Variants in CCSER1 observed in about 807,000 individuals in gnomAD.
The protein encoded by CCSER1 is coiled-coil serine rich protein 1.
Under a neutral mutation model 82.0 loss-of-function variants are expected in CCSER1, and 41 were observed. The observed-to-expected ratio is 0.50, with a 90% CI of 0.39 to 0.65. The LOEUF is 0.65. CCSER1 is among the 30% of genes least tolerant of loss of function. The probability of loss-of-function intolerance (pLI) is 0.00; values close to 1 mark genes in which losing one functional copy is unlikely to be tolerated. For synonymous variants in CCSER1, 414 were observed against 383.9 expected (o/e 1.08, Z -0.92); for missense variants, 1,119 against 1,064.2 (o/e 1.05, Z -0.72).
At position 91,391,085 on chromosome 4, in the gene CCSER1, TG is replaced by T. The variant is rs979565296; in HGVS notation, c.2218-207486del. ...AAGTTATTTTCTACTCTAATTTTCA[TG>T]TTTTTTTTAATTATGCTTACTTAGG... On this transcript the variant is annotated intron_variant, in intron 10 of 10. Coordinates refer to ENST00000509176, the MANE Select transcript of CCSER1 (RefSeq NM_001145065.2). Among the ~76,000 whole-genome samples the T allele has an allele frequency of 6.2e-4, 94 of 152,208 alleles. 1 individual carries two copies. Among genetic ancestry groups the T allele is most frequent in the Admixed American group, 2.2e-3 (34 of 15,284 alleles).
At chr4:90,610,313 C>T (rs1017530593) in intron 5 of CCSER1, among the ~76,000 whole-genome samples, 3 of 151,528 alleles carry the variant, frequency 2.0e-5, no homozygotes, top group Non-Finnish European at 4.4e-5. Flanking sequence ...AATGTGATTT[C>T]AGTAAGCTGT....
intron 10 of CCSER1, among the ~76,000 whole-genome samples, chr4:91,135,691 C>T: frequency 6.6e-6 from 1 of 151,360 alleles, no homozygotes; most frequent in East Asian, 1.9e-4. Flanking sequence ...AAAGAAAAAG[C>T]AGAGAGACAG....
At position 90,846,660 on chromosome 4, in the gene CCSER1, A is replaced by T. The variant is rs1220122503; in HGVS notation, c.2094+30815A>T. Reference sequence around the variant, plus strand: ...TCACTCTTCTGTGCTATTGAACACCAGAATTTATTCCTTCTAACTAACTGT... The same window carrying T: ...TCACTCTTCTGTGCTATTGAACACCTGAATTTATTCCTTCTAACTAACTGT... On this transcript the variant is annotated intron_variant, in intron 8 of 10. Transcript: ENST00000509176. Among the ~76,000 whole-genome samples, 5 of 152,188 alleles carry T rather than the reference A, an allele frequency of 3.3e-5. No homozygotes were observed. In the South Asian group the frequency reaches 6.2e-4, roughly 19 times the overall value.
At chr4:91,065,138 A>G (rs1028978561) in intron 9 of CCSER1, among the ~76,000 whole-genome samples, 3 of 152,124 alleles carry the variant, frequency 2.0e-5, no homozygotes, top group African/African-American at 4.8e-5. Flanking sequence ...GCTTTAATAC[A>G]TGTCCAAAGG....
chr4:91,447,299 T>G (rs1449805770), intron 10 of CCSER1, among the ~76,000 whole-genome samples: 2 of 152,168 alleles, frequency 1.3e-5, no homozygotes, highest in Non-Finnish European at 2.9e-5. Context: ...TCCCCTTTTC[T>G]TCTGTCAATG....
intron 10 of CCSER1, among the ~76,000 whole-genome samples, chr4:91,490,254 G>A (rs1003272578): frequency 4.6e-5 from 7 of 152,076 alleles, no homozygotes; most frequent in Non-Finnish European, 1.0e-4. Context: ...ATACCCCGAA[G>A]AAAGAAAAAC....
At chr4:90,583,458 G>A (rs977210198) in intron 5 of CCSER1, among the ~76,000 whole-genome samples, 13 of 152,020 alleles carry the variant, frequency 8.6e-5, no homozygotes, top group African/African-American at 1.9e-4. Context: ...GAGCCACCGC[G>A]CCTGGCTGGA....
chr4:91,150,037 G>A (rs541137944), intron 10 of CCSER1, among the ~76,000 whole-genome samples: 1 of 152,120 alleles, frequency 6.6e-6, no homozygotes, highest in Non-Finnish European at 1.5e-5. Context: ...TAGCTTGATG[G>A]GGATGGCATT....
intron 10 of CCSER1, among the ~76,000 whole-genome samples, chr4:91,572,317 G>A (rs1457655191): frequency 6.6e-6 from 1 of 151,904 alleles, no homozygotes. Flanking sequence ...TCCTAGGGAG[G>A]TACAGGCCTG....
At chr4:91,134,701 C>A (rs1349091108) in intron 10 of CCSER1, among the ~76,000 whole-genome samples, 1 of 152,130 alleles carries the variant, frequency 6.6e-6, no homozygotes, top group Non-Finnish European at 1.5e-5. Context: ...ATGCAGACAA[C>A]AATCTTCAAT....
chr4:90,203,572 C>T (rs1738175855), intron 1 of CCSER1, among the ~76,000 whole-genome samples: 1 of 152,200 alleles, frequency 6.6e-6, no homozygotes, highest in Non-Finnish European at 1.5e-5. Flanking sequence ...ATATGTGCCA[C>T]ATTTTCTTTA....
At chr4:90,630,014 A>G (rs1189845107) in intron 6 of CCSER1, among the ~76,000 whole-genome samples, 2 of 152,214 alleles carry the variant, frequency 1.3e-5, no homozygotes, top group Non-Finnish European at 2.9e-5. Flanking sequence ...TGGTAGCTTG[A>G]AATCAGCCAT....
intron 10 of CCSER1, among the ~76,000 whole-genome samples, chr4:91,498,100 G>A (rs1759022200): frequency 1.3e-5 from 2 of 151,906 alleles, no homozygotes; most frequent in African/African-American, 4.8e-5. Context: ...CGGTTCAGAT[G>A]GAATATGCAA....
chr4:91,147,539 AGTG>A (rs1048570438), intron 10 of CCSER1, among the ~76,000 whole-genome samples: 4 of 152,184 alleles, frequency 2.6e-5, no homozygotes, highest in African/African-American at 9.7e-5. Flanking sequence ...GTTTTCTGAT[AGTG>A]GGGGCTCCTC....
At chr4:91,457,596 G>A (rs1756260783) in intron 10 of CCSER1, among the ~76,000 whole-genome samples, 1 of 152,120 alleles carries the variant, frequency 6.6e-6, no homozygotes, top group Admixed American at 6.6e-5. Flanking sequence ...CTTGATACCA[G>A]GAGGTCGAGG....
intron 6 of CCSER1, among the ~76,000 whole-genome samples, chr4:90,630,957 G>A (rs1055870928): frequency 1.3e-5 from 2 of 151,014 alleles, no homozygotes; most frequent in East Asian, 3.9e-4. Context: ...GCAGTGGCGC[G>A]ATCTCAGCTC....
intron 10 of CCSER1, among the ~76,000 whole-genome samples, chr4:91,100,648 G>A (rs1488451950): frequency 1.3e-5 from 2 of 152,080 alleles, no homozygotes; most frequent in Non-Finnish European, 2.9e-5. Flanking sequence ...TTACAGATGA[G>A]AGAAAAAATA....
At chr4:91,110,502 C>T (rs1341088730) in intron 10 of CCSER1, among the ~76,000 whole-genome samples, 1 of 152,008 alleles carries the variant, frequency 6.6e-6, no homozygotes, top group Non-Finnish European at 1.5e-5. Context: ...ACTTACTCAA[C>T]ACCACATCCC....
At chr4:91,321,045 C>T (rs1746160677) in intron 10 of CCSER1, among the ~76,000 whole-genome samples, 1 of 151,966 alleles carries the variant, frequency 6.6e-6, no homozygotes, top group Non-Finnish European at 1.5e-5. Context: ...TTCAGAATTA[C>T]TTTCAGTTGT....
Sources: allele counts gnomAD v4.1 joint callset (sites outside exome capture counted in the v4.1 genomes callset), GRCh38; gene constraint gnomAD v4.1.1; transcripts MANE v1.5; gene names NCBI Gene and HGNC (gene_info 2026-07-23, HGNC 2026-07-21).